Variants in MAP7 observed in about 807,000 individuals in gnomAD.
The protein encoded by MAP7 is ensconsin.
A neutral mutation model predicts 94.8 loss-of-function variants in MAP7; 52 were observed. That is an observed-to-expected ratio of 0.55 (90% confidence interval 0.44 to 0.69). The LOEUF is 0.69. Ranked by LOEUF, MAP7 falls within the 30% of genes least tolerant of loss-of-function variation. The probability of loss-of-function intolerance (pLI) is 0.00; values close to 1 mark genes in which losing one functional copy is unlikely to be tolerated. For synonymous variants in MAP7, 350 were observed against 357.0 expected (o/e 0.98, Z 0.22); for missense variants, 940 against 964.6 (o/e 0.97, Z 0.34).
At chr6:136,464,918 A>T (rs915114519) in intron 1 of MAP7, among the ~76,000 whole-genome samples, 27 of 152,242 alleles carry the variant, frequency 1.8e-4, no homozygotes, top group Admixed American at 1.3e-4. Context: ...AGCATCAGGT[A>T]GTGAAAAGTG....
intron 1 of MAP7, among the ~76,000 whole-genome samples, chr6:136,427,272 A>G (rs1193589348): frequency 1.3e-5 from 2 of 152,264 alleles, no homozygotes; most frequent in Non-Finnish European, 2.9e-5. Flanking sequence ...CTGGCAGGCC[A>G]GATAAGGAAA....
chr6:136,442,426 A>C (rs1053977508), intron 1 of MAP7, among the ~76,000 whole-genome samples: 1 of 136,164 alleles, frequency 7.3e-6, no homozygotes, highest in African/African-American at 2.7e-5. Context: ...AAAAAAAAAA[A>C]GTCATACTTA....
chr6:136,453,446 C>G (rs1376664307), intron 1 of MAP7, among the ~76,000 whole-genome samples: 1 of 152,196 alleles, frequency 6.6e-6, no homozygotes. Context: ...CTAACAGTGA[C>G]AGTCTTTAAA....
In MAP7 at chr6:136,550,285, G is replaced by T; in HGVS notation, c.67+57C>A. The stretch of plus-strand genomic sequence containing the variant: ...GGGTGATTTCGGTGCCAGCCCGCCG[G>T]CCCCGCTCGCCGTCCCCTGCCCGAC... On this transcript the variant is annotated intron_variant, in intron 1 of 17. Coordinates refer to ENST00000354570, the MANE Select transcript of MAP7 (RefSeq NM_003980.6). The surrounding 1 kb of genome is among the most constrained non-coding windows in gnomAD (Gnocchi z 5.1). 1.4e-6 allele frequency: 2 copies of T among 1,399,808 alleles called. No individual in the cohort carries two copies. Among genetic ancestry groups the T allele is most frequent in the Non-Finnish European group, 1.9e-6 (2 of 1,068,758 alleles). 86.7% of individuals were successfully genotyped at this position (1,399,808 alleles called of 1,614,324 possible).
intron 1 of MAP7, among the ~76,000 whole-genome samples, chr6:136,445,990 G>A (rs1398689887): frequency 6.6e-6 from 1 of 152,190 alleles, no homozygotes; most frequent in Non-Finnish European, 1.5e-5. Context: ...CACCAGCTGG[G>A]TATCTTCTAA....
chr6:136,521,472 T>C (rs1826389817), intron 1 of MAP7, among the ~76,000 whole-genome samples: 1 of 152,204 alleles, frequency 6.6e-6, no homozygotes, highest in South Asian at 2.1e-4. Context: ...AAAAGTCATT[T>C]AGAGTCAAGT....
At chr6:136,497,505 C>A (rs1410866881) in intron 1 of MAP7, among the ~76,000 whole-genome samples, 1 of 150,304 alleles carries the variant, frequency 6.7e-6, no homozygotes, top group African/African-American at 2.5e-5. Flanking sequence ...TCCTCTACCC[C>A]ATGTCTATGT....
chr6:136,389,523 G>T lies in MAP7; in HGVS notation c.245-6C>A. On this transcript the variant is annotated splice_region_variant and splice_polypyrimidine_tract_variant and intron_variant, in intron 3 of 17. Transcript: ENST00000354570. ...CCACACTATTTCTCTTGCAGCTTTG[G>T]GGAGGGTTAAAAAAAAAAAAAAAGA... 1 of 1,602,204 alleles carries T rather than the reference G, an allele frequency of 6.2e-7. No homozygotes were observed. The highest frequency in any genetic ancestry group is 8.5e-7 in the Non-Finnish European group (1 of 1,178,188).
At chr6:136,476,564 C>T (rs1810986985) in intron 1 of MAP7, among the ~76,000 whole-genome samples, 1 of 151,982 alleles carries the variant, frequency 6.6e-6, no homozygotes, top group Non-Finnish European at 1.5e-5. Flanking sequence ...TAATATTTAA[C>T]ATAGAAAAAG....
intron 16 of MAP7, among the ~76,000 whole-genome samples, chr6:136,355,505 C>T (rs1790643663): frequency 6.6e-6 from 1 of 152,016 alleles, no homozygotes; most frequent in Non-Finnish European, 1.5e-5. Context: ...AGAAAGATAT[C>T]AACACAATAG....
At chr6:136,498,749 ATG>A (rs10634782) in intron 1 of MAP7, among the ~76,000 whole-genome samples, 11,441 of 148,492 alleles carry the variant, frequency 0.077, 956 homozygotes, top group African/African-American at 0.21. Context: ...CTATATGGCA[ATG>A]TGTGTGTGTG....
chr6:136,474,662 T>C (rs1296771055), intron 1 of MAP7, among the ~76,000 whole-genome samples: 8 of 152,194 alleles, frequency 5.3e-5, no homozygotes, highest in African/African-American at 1.9e-4. Flanking sequence ...ACTGTTTCTC[T>C]ATATTTTATG....
chr6:136,509,685 A>T (rs1822663413), intron 1 of MAP7, among the ~76,000 whole-genome samples: 1 of 152,068 alleles, frequency 6.6e-6, no homozygotes, highest in South Asian at 2.1e-4. Flanking sequence ...CAGCCTTCTG[A>T]GTTAGCTGGG....
intron 13 of MAP7, 40 bp from the exon 14 acceptor site, chr6:136,360,071 G>A: frequency 6.7e-7 from 1 of 1,502,608 alleles, no homozygotes; most frequent in Admixed American, 2.0e-5. Context: ...ATTAGACACA[G>A]AAAAAAAGCC....
At chr6:136,454,683 C>T (rs1438195821) in intron 1 of MAP7, among the ~76,000 whole-genome samples, 2 of 151,748 alleles carry the variant, frequency 1.3e-5, no homozygotes, top group East Asian at 2.0e-4. Context: ...GGCGGGAGGA[C>T]CACTTGAGCC....
At chr6:136,479,409 T>A (rs1812042134) in intron 1 of MAP7, among the ~76,000 whole-genome samples, 1 of 152,166 alleles carries the variant, frequency 6.6e-6, no homozygotes, top group Non-Finnish European at 1.5e-5. Flanking sequence ...TCATATTGAA[T>A]GAGGAAAAAC....
intron 1 of MAP7, among the ~76,000 whole-genome samples, chr6:136,443,305 TA>T (rs1798394658): frequency 6.6e-6 from 1 of 152,164 alleles, no homozygotes; most frequent in Non-Finnish European, 1.5e-5. Flanking sequence ...AAGATGAAAT[TA>T]TTTTCCTCAT....
intron 3 of MAP7, among the ~76,000 whole-genome samples, chr6:136,393,135 A>G (rs1165069162): frequency 6.6e-6 from 1 of 152,074 alleles, no homozygotes; most frequent in East Asian, 1.9e-4. Flanking sequence ...GTACAGTCCT[A>G]TTTTGGCTTT....
chr6:136,514,843 C>T (rs1824345752), intron 1 of MAP7, among the ~76,000 whole-genome samples: 1 of 152,120 alleles, frequency 6.6e-6, no homozygotes, highest in African/African-American at 2.4e-5. Context: ...TTAGAATTTT[C>T]AGAATGGCAA....
Sources: gnomAD v4.1 joint callset for allele counts (sites outside exome capture counted in the v4.1 genomes callset) on GRCh38, gnomAD v4.1.1 for gene constraint, Gnocchi (gnomAD v3.1) non-coding constraint, MANE v1.5 for transcripts, NCBI Gene and HGNC (gene_info 2026-07-23, HGNC 2026-07-21) for gene names.